Variants in DOCK2 observed in about 807,000 individuals in gnomAD.
DOCK2 encodes the protein dedicator of cytokinesis 2, also known as dedicator of cytokinesis protein 2.
A neutral mutation model predicts 248.9 loss-of-function variants in DOCK2; 87 were observed. The ratio of observed to expected loss-of-function variants is 0.35; its 90% CI spans 0.29 to 0.42. The LOEUF (loss-of-function observed/expected upper bound fraction) is 0.42. Ranked by LOEUF, DOCK2 falls within the 10% of genes least tolerant of loss-of-function variation. The pLI is 1.00. For synonymous variants in DOCK2, 805 were observed against 821.6 expected (o/e 0.98, Z 0.35); for missense variants, 1,747 against 2,300.2 (o/e 0.76, Z 4.92).
intron 27 of DOCK2, among the ~76,000 whole-genome samples, chr5:169,842,488 G>C (rs1770044943): frequency 6.6e-6 from 1 of 152,126 alleles, no homozygotes; most frequent in African/African-American, 2.4e-5. Flanking sequence ...TTCCCAAGTA[G>C]CTGGGACTAC....
At chr5:169,998,789 G>T (rs1754735502) in intron 30 of DOCK2, among the ~76,000 whole-genome samples, 1 of 152,142 alleles carries the variant, frequency 6.6e-6, no homozygotes, top group Non-Finnish European at 1.5e-5. Flanking sequence ...ACAGGGTCTG[G>T]GTGAGAGTTT....
At chr5:169,944,735 G>C (rs1776377955) in intron 27 of DOCK2, among the ~76,000 whole-genome samples, 1 of 152,224 alleles carries the variant, frequency 6.6e-6, no homozygotes, top group Non-Finnish European at 1.5e-5. Flanking sequence ...ACCAGTGCTA[G>C]GAACCTTGCT....
chr5:169,743,130 T>G (rs1186739526), intron 22 of DOCK2, among the ~76,000 whole-genome samples: 1 of 152,248 alleles, frequency 6.6e-6, no homozygotes, highest in Admixed American at 6.5e-5. Flanking sequence ...CGCAGACAGA[T>G]GAGGCATTTT....
chr5:169,988,419 C>A (rs1225659444), intron 29 of DOCK2, among the ~76,000 whole-genome samples: 1 of 152,178 alleles, frequency 6.6e-6, no homozygotes, highest in Non-Finnish European at 1.5e-5. Flanking sequence ...AGATAAGTAA[C>A]ATACTTCCTG....
intron 2 of DOCK2, 41 bp downstream of exon 2, chr5:169,654,527 T>C (rs775719760): frequency 1.0e-5 from 16 of 1,607,770 alleles, no homozygotes; most frequent in East Asian, 2.2e-5. Flanking sequence ...GACCCTTGGC[T>C]GATGGAAGCC....
chr5:169,810,995 A>T (rs1411850454), intron 26 of DOCK2, among the ~76,000 whole-genome samples: 72 of 144,004 alleles, frequency 5.0e-4, no homozygotes, highest in Middle Eastern at 3.5e-3. Context: ...TCTCTCACAC[A>T]CACACACACA....
chr5:169,943,083 C>T (rs1022755147), intron 27 of DOCK2, among the ~76,000 whole-genome samples: 1 of 152,172 alleles, frequency 6.6e-6, no homozygotes, highest in Non-Finnish European at 1.5e-5. Flanking sequence ...TTGGAACGCT[C>T]TGCAGCTTCT....
intron 25 of DOCK2, among the ~76,000 whole-genome samples, chr5:169,766,769 T>C (rs1196737848): frequency 6.6e-6 from 1 of 152,188 alleles, no homozygotes; most frequent in Admixed American, 6.5e-5. Flanking sequence ...TGACTTTTTA[T>C]TTATTTATTT....
chr5:169,681,471 A>G (rs1375209923), intron 6 of DOCK2, among the ~76,000 whole-genome samples: 1 of 151,732 alleles, frequency 6.6e-6, no homozygotes, highest in African/African-American at 2.4e-5. Flanking sequence ...CAAGTCTGCA[A>G]CACATCCTAG....
intron 25 of DOCK2, among the ~76,000 whole-genome samples, chr5:169,772,351 A>G (rs553522137): frequency 6.6e-6 from 1 of 152,320 alleles, no homozygotes; most frequent in Non-Finnish European, 1.5e-5. Context: ...TTATGGTAAG[A>G]AATTGCTTGG....
chr5:169,794,150 G>A (rs1380762639), intron 25 of DOCK2, among the ~76,000 whole-genome samples: 7 of 152,054 alleles, frequency 4.6e-5, no homozygotes, highest in Non-Finnish European at 8.8e-5. Context: ...CACCGAAAGC[G>A]CAGTCCACCC....
chr5:170,075,063 C>T (rs991580313), intron 46 of DOCK2, among the ~76,000 whole-genome samples: 3 of 152,218 alleles, frequency 2.0e-5, no homozygotes, highest in African/African-American at 7.2e-5. Context: ...TCAGTTTCTC[C>T]TTCACCTTGT....
chr5:169,801,100 G>A (rs1275181068), intron 25 of DOCK2, among the ~76,000 whole-genome samples: 3 of 142,286 alleles, frequency 2.1e-5, no homozygotes, highest in African/African-American at 7.7e-5. Flanking sequence ...AGCCTCCTGA[G>A]TCGCTGGGAT....
chr5:169,928,403 A>G (rs1163633590), intron 27 of DOCK2, among the ~76,000 whole-genome samples: 1 of 152,188 alleles, frequency 6.6e-6, no homozygotes, highest in Non-Finnish European at 1.5e-5. Context: ...TCTGCCCCAG[A>G]ATGCCCCGCT....
chr5:169,720,054 T>A (rs371673865), intron 22 of DOCK2, among the ~76,000 whole-genome samples: 9 of 152,342 alleles, frequency 5.9e-5, no homozygotes, highest in African/African-American at 2.2e-4. Flanking sequence ...AGATTTCAGG[T>A]TATGAATAGA....
intron 27 of DOCK2, 54 bp downstream of exon 27, chr5:169,840,906 A>T (rs1769922472): frequency 1.3e-6 from 2 of 1,576,654 alleles, no homozygotes; most frequent in South Asian, 2.3e-5. Flanking sequence ...GCATCTAAAA[A>T]TGGATTTTCT....
At chr5:169,736,286 C>T (rs1360882677) in intron 22 of DOCK2, among the ~76,000 whole-genome samples, 2 of 152,134 alleles carry the variant, frequency 1.3e-5, no homozygotes, top group Admixed American at 1.3e-4. Flanking sequence ...TCACTGGTTT[C>T]AGGCCAGGTA....
At chr5:170,020,651 C>T (rs982211898) in intron 33 of DOCK2, among the ~76,000 whole-genome samples, 4 of 152,236 alleles carry the variant, frequency 2.6e-5, no homozygotes, top group Admixed American at 2.0e-4. Context: ...CTGAAAGTCA[C>T]AATCAAGAAA....
At chr5:169,706,035 G>T (rs1415079408) in intron 14 of DOCK2, among the ~76,000 whole-genome samples, 2 of 152,196 alleles carry the variant, frequency 1.3e-5, no homozygotes, top group Non-Finnish European at 2.9e-5. Context: ...CTAGAACTGG[G>T]CTCAGTCCCT....
Sources: gnomAD v4.1 joint callset for allele counts (sites outside exome capture counted in the v4.1 genomes callset) on GRCh38, gnomAD v4.1.1 for gene constraint, MANE v1.5 for transcripts, NCBI Gene and HGNC (gene_info 2026-07-23, HGNC 2026-07-21) for gene names.